TTL: variants seen among roughly 807,000 people sequenced by gnomAD.
The protein encoded by TTL is tubulin--tyrosine ligase.
In TTL, 10 loss-of-function variants were observed where a neutral mutation model predicts 41.1. That is an observed-to-expected ratio of 0.24 (90% confidence interval 0.15 to 0.41). TTL has a LOEUF of 0.41. Ranked by LOEUF, TTL falls within the 10% of genes least tolerant of loss-of-function variation. The pLI, the probability that TTL is intolerant of heterozygous loss-of-function variation, is 1.00. For synonymous variants in TTL, 175 were observed against 175.5 expected, an observed-to-expected ratio of 1.00 and a Z score of 0.02; for missense variants, 367 against 460.4, an observed-to-expected ratio of 0.80 and a Z score of 1.86.
At position 112,503,059 on chromosome 2, in the gene TTL, G is replaced by C; in HGVS notation, c.753G>C (p.Lys251Asn). The C allele has an allele frequency of 6.2e-7, 1 of 1,613,966 alleles. No individual in the cohort carries two copies. Among genetic ancestry groups the C allele is most frequent in the Non-Finnish European group, 8.5e-7 (1 of 1,179,998 alleles). The change falls in exon 5 of 7, where the codon AAG becomes AAC. Residue 251 changes from lysine (K) to asparagine (N), a missense_variant. By Grantham distance (94) the Lys-to-Asn change is moderately conservative. Coordinates refer to ENST00000233336, the MANE Select transcript of TTL (RefSeq NM_153712.5). ...ACTGCATTCAAAAAGAGTATTCAAA[G>C]AACTACGGGAAGTATGAAGAAGGAA... ...TNHCIQKEYSKNYGKYEEGNE... is the reference protein window; with the variant it reads ...TNHCIQKEYSNNYGKYEEGNE...
chr2:112,518,866 G>C (rs1682148114), intron 5 of TTL, among the ~76,000 whole-genome samples: 1 of 151,892 alleles, frequency 6.6e-6, no homozygotes, highest in South Asian at 2.1e-4. Flanking sequence ...GTAGAGATGG[G>C]GTTTTGCCAT....
At chr2:112,496,710 T>TGTA (rs1491457601) in intron 3 of TTL, among the ~76,000 whole-genome samples, 6 of 101,112 alleles carry the variant, frequency 5.9e-5, no homozygotes, top group African/African-American at 1.7e-4. Context: ...TGTGTGTGTA[T>TGTA]TTTTTTTTTT....
intron 6 of TTL, among the ~76,000 whole-genome samples, chr2:112,524,862 T>C (rs1280435053): frequency 1.3e-5 from 2 of 152,116 alleles, no homozygotes; most frequent in Admixed American, 1.3e-4. Flanking sequence ...TGAAGTCCTT[T>C]CCCATGCCTA....
intron 4 of TTL, 84 bp from the exon 5 acceptor site, chr2:112,502,828 G>A: frequency 6.8e-7 from 1 of 1,465,982 alleles, no homozygotes. Context: ...CCCCATAAAA[G>A]AAGTCAAGAT....
chr2:112,530,834 A>G lies in TTL; in HGVS notation c.*2039A>G. On this transcript the variant is annotated 3_prime_UTR_variant, in exon 7 of 7. Coordinates refer to ENST00000233336, the MANE Select transcript of TTL (RefSeq NM_153712.5). ...AGGGAAGTAAGACTTTTAAGAAAAG[A>G]AAAAGTTATGCCTCATTCCTCATGT... 1.1e-5 allele frequency: 2 copies of G among 189,434 alleles called. No individual in the cohort carries two copies. Among genetic ancestry groups the G allele is most frequent in the East Asian group, 8.4e-5 (1 of 11,860 alleles). The allele number at this position is 189,434 out of a possible 1,614,324, so 11.7% of individuals were successfully genotyped here.
intron 3 of TTL, among the ~76,000 whole-genome samples, chr2:112,496,706 TG>T (rs1681539346): frequency 1.2e-4 from 14 of 112,524 alleles, no homozygotes; most frequent in Non-Finnish European, 1.4e-4. Context: ...TGTGTGTGTG[TG>T]TATTTTTTTT....
chr2:112,525,823 G>A (rs1682357301), intron 6 of TTL, among the ~76,000 whole-genome samples: 2 of 152,054 alleles, frequency 1.3e-5, no homozygotes, highest in Non-Finnish European at 2.9e-5. Flanking sequence ...CCAACACTAT[G>A]TTGAATAGGA....
In TTL at chr2:112,529,125, G is replaced by T; in HGVS notation, c.*330G>T. On this transcript the variant is annotated 3_prime_UTR_variant, in exon 7 of 7. Transcript: ENST00000233336. ...TGGTCGGTGCCTCCCACCCACTGCA[G>T]CCCTAGTGCCTTAGCTCCATGCCCG... 2.4e-6 allele frequency: 1 copy of T among 421,346 alleles called. No individual in the cohort carries two copies. Among genetic ancestry groups the T allele is most frequent in the Non-Finnish European group, 4.4e-6 (1 of 226,950 alleles). 26.1% of individuals were successfully genotyped at this position (421,346 alleles called of 1,614,324 possible).
Position 112,489,679 on chromosome 2 carries a change from CAT to C in TTL, c.236+3685_236+3686del, listed in dbSNP as rs1291973259. ...AATTAACATTTTTTGCATACTGAAT[CAT>C]GTTGTAAAAATATGTGAAATCATTA... is the stretch of plus-strand genomic sequence containing the variant. On this transcript the variant is annotated intron_variant, in intron 2 of 6. Coordinates refer to ENST00000233336, the MANE Select transcript of TTL (RefSeq NM_153712.5). Among the ~76,000 whole-genome samples, 15 of 152,266 alleles carry C rather than the reference CAT, an allele frequency of 9.9e-5. No homozygotes were observed. In the East Asian group the frequency reaches 2.7e-3, roughly 27 times the overall value.
At chr2:112,493,505 G>A (rs946901559) in intron 2 of TTL, among the ~76,000 whole-genome samples, 3 of 152,242 alleles carry the variant, frequency 2.0e-5, no homozygotes, top group Non-Finnish European at 4.4e-5. Flanking sequence ...TCTGATTGCA[G>A]AGTAGATGCA....
chr2:112,487,760 G>T (rs769838748), intron 2 of TTL, among the ~76,000 whole-genome samples: 3 of 152,166 alleles, frequency 2.0e-5, no homozygotes, highest in Non-Finnish European at 4.4e-5. Flanking sequence ...CAGGCTGGAG[G>T]TTGCATCATC....
chr2:112,521,014 G>A (rs1682211307), intron 6 of TTL, among the ~76,000 whole-genome samples: 1 of 152,186 alleles, frequency 6.6e-6, no homozygotes, highest in Non-Finnish European at 1.5e-5. Flanking sequence ...CGTATGACAA[G>A]CTGAGTAAGC....
rs377055116 is a variant in TTL at position 112,494,332 on chromosome 2, A to T, written c.426A>T (p.Gly142=). Residue 142 remains glycine, a synonymous_variant, in exon 3 of 7, where the codon GGA becomes GGT. Coordinates refer to ENST00000233336, the MANE Select transcript of TTL (RefSeq NM_153712.5). ...LASYNRKKED[G]EGNVWIAKSS... The stretch of plus-strand genomic sequence containing the variant: ...CTTATAACAGAAAGAAAGAGGATGG[A>T]GAGGGCAACGTTTGGATTGCAAAGT... The T allele has an allele frequency of 6.2e-7, 1 of 1,614,056 alleles. No homozygotes were observed. Among genetic ancestry groups the T allele is most frequent in the African/African-American group, 1.3e-5 (1 of 74,938 alleles).
chr2:112,497,380 A>C (rs1681561786), intron 3 of TTL, among the ~76,000 whole-genome samples: 1 of 151,694 alleles, frequency 6.6e-6, no homozygotes, highest in African/African-American at 2.4e-5. Context: ...TTACTTGGTC[A>C]AATGATATGA....
chr2:112,496,830 C>CT (rs1347242934), intron 3 of TTL, among the ~76,000 whole-genome samples: 4 of 149,526 alleles, frequency 2.7e-5, no homozygotes, highest in Non-Finnish European at 4.5e-5. Context: ...AACTCAACCT[C>CT]TTTTTTTTGA....
Position 112,536,810 on chromosome 2 carries a change from G to A in TTL, c.*8015G>A, listed in dbSNP as rs1682608028. On this transcript the variant is annotated 3_prime_UTR_variant, in exon 7 of 7. Coordinates refer to ENST00000233336, the MANE Select transcript of TTL (RefSeq NM_153712.5). ...TTCTGTTCCTGTGTTATTTCACTTAGGATAATGGCCTCCAGCAGCATCCAT... is the reference window on the plus strand; with the variant it reads ...TTCTGTTCCTGTGTTATTTCACTTAAGATAATGGCCTCCAGCAGCATCCAT... 1 of 152,178 alleles carries A rather than the reference G, an allele frequency of 6.6e-6. No homozygotes were observed. The highest frequency in any genetic ancestry group is 2.4e-5 in the African/African-American group (1 of 41,422). 9.4% of individuals were successfully genotyped at this position (152,178 alleles called of 1,614,324 possible).
At chr2:112,521,922 C>A (rs113719289) in intron 6 of TTL, among the ~76,000 whole-genome samples, 4 of 152,128 alleles carry the variant, frequency 2.6e-5, no homozygotes, top group African/African-American at 9.7e-5. Flanking sequence ...GGGCTAAGGG[C>A]GGAATAAGGC....
In TTL at chr2:112,529,074, C is replaced by T. The variant is rs560529627; in HGVS notation, c.*279C>T. The T allele has an allele frequency of 2.4e-4, 116 of 485,036 alleles. 2 individuals carry two copies. Among genetic ancestry groups the T allele is most frequent in the South Asian group, 2.2e-3 (88 of 40,582 alleles). The allele number at this position is 485,036 out of a possible 1,614,324, so 30.0% of individuals were successfully genotyped here. On this transcript the variant is annotated 3_prime_UTR_variant, in exon 7 of 7. Coordinates refer to ENST00000233336, the MANE Select transcript of TTL (RefSeq NM_153712.5). ...TGAGCAGAGCTCCTTCCCCTCTCCC[C>T]GGGAACGGCAGGGCACTGGGACCTC... is the stretch of plus-strand genomic sequence containing the variant.
intron 6 of TTL, chr2:112,521,073 G>A (rs1325319006): frequency 3.4e-6 from 2 of 592,838 alleles, no homozygotes; most frequent in African/African-American, 4.0e-5. Context: ...CCTGAGGCAG[G>A]AAGGAGTCAG....
Sources: gnomAD v4.1 joint callset for allele counts (sites outside exome capture counted in the v4.1 genomes callset) on GRCh38, gnomAD v4.1.1 for gene constraint, MANE v1.5 for transcripts, NCBI Gene and HGNC (gene_info 2026-07-23, HGNC 2026-07-21) for gene names.